Variants in PTCHD4 observed in about 807,000 individuals in gnomAD.
PTCHD4 encodes the protein patched domain containing 4, also known as patched domain-containing protein 4.
A neutral mutation model predicts 58.1 loss-of-function variants in PTCHD4; 33 were observed. That is an observed-to-expected ratio of 0.57 (90% CI 0.43 to 0.76). The LOEUF (loss-of-function observed/expected upper bound fraction) is 0.76. PTCHD4 is among the 30% of genes least tolerant of loss of function. The pLI is 0.00. For synonymous variants in PTCHD4, 478 were observed against 409.6 expected, an observed-to-expected ratio of 1.17 and a Z score of -2.02; for missense variants, 1,058 against 1,027.1, an observed-to-expected ratio of 1.03 and a Z score of -0.41.
At chr6:47,888,281 C>T (rs972051829) in intron 4 of PTCHD4, among the ~76,000 whole-genome samples, 3 of 152,048 alleles carry the variant, frequency 2.0e-5, no homozygotes, top group African/African-American at 7.2e-5. Flanking sequence ...GGGGTGAACC[C>T]GAGAGGCGGA....
Position 48,068,912 on chromosome 6 carries a change from G to A in PTCHD4, c.5+41C>T, listed in dbSNP as rs1020961425. Among the ~76,000 whole-genome samples, 1 of 151,190 alleles carries A rather than the reference G, an allele frequency of 6.6e-6. No individual in the cohort carries two copies. The highest frequency in any genetic ancestry group is 1.5e-5 in the Non-Finnish European group (1 of 67,746). ...GCGCCGCGGGGCCCACCCCCTCCCC[G>A]GTCTCCCCGCGCCCTCGCCGCCTCC... On this transcript the variant is annotated intron_variant, in intron 2 of 4. Coordinates refer to ENST00000339488, the MANE Select transcript of PTCHD4 (RefSeq NM_001384253.1). This position sits in a 1 kb window ranked among gnomAD's most constrained non-coding sequence, Gnocchi z 4.2.
chr6:47,912,857 A>C (rs1018635162), intron 4 of PTCHD4, among the ~76,000 whole-genome samples: 1 of 152,124 alleles, frequency 6.6e-6, no homozygotes, highest in Admixed American at 6.6e-5. Flanking sequence ...AATGCTGAGC[A>C]ACTCCTGTTT....
intron 4 of PTCHD4, among the ~76,000 whole-genome samples, chr6:48,005,539 G>A (rs1762402181): frequency 1.3e-5 from 2 of 152,128 alleles, no homozygotes; most frequent in African/African-American, 4.8e-5. Context: ...CAAACACAAC[G>A]TATTTATGCT....
At chr6:48,085,031 A>T (rs749383661) in intron 1 of PTCHD4, among the ~76,000 whole-genome samples, 2 of 151,040 alleles carry the variant, frequency 1.3e-5, no homozygotes, top group African/African-American at 2.4e-5. Flanking sequence ...GGTGTGAGCC[A>T]CCCAACCAGC....
chr6:48,050,761 TAAAG>T (rs1279951078), intron 3 of PTCHD4, among the ~76,000 whole-genome samples: 1 of 151,936 alleles, frequency 6.6e-6, no homozygotes, highest in African/African-American at 2.4e-5. Flanking sequence ...TCAAAAAATT[TAAAG>T]AAAGAGACTT....
At position 47,876,576 on chromosome 6, in the gene PTCHD4, T is replaced by G. The variant is rs1763854359; in HGVS notation, c.*1727A>C. Among the ~76,000 whole-genome samples the G allele has an allele frequency of 6.6e-6, 1 of 151,956 alleles. No homozygotes were observed. The highest frequency in any genetic ancestry group is 1.5e-5 in the Non-Finnish European group (1 of 67,960). ...TTTGTACCTTTTTTCTGAACATAAT[T>G]GAGTCAAGGAGTTTTGTTATTTTAG... is the stretch of plus-strand genomic sequence containing the variant. On this transcript the variant is annotated 3_prime_UTR_variant, in exon 5 of 5. Transcript: ENST00000339488.
intron 4 of PTCHD4, among the ~76,000 whole-genome samples, chr6:47,898,928 A>G (rs1041397790): frequency 5.3e-5 from 8 of 152,182 alleles, no homozygotes; most frequent in Non-Finnish European, 7.4e-5. Flanking sequence ...TGTTTCTCCA[A>G]TGAGAGGGGT....
At position 47,912,039 on chromosome 6, in the gene PTCHD4, G is replaced by C. The variant is rs561142485; in HGVS notation, c.899-32103C>G. 2.0e-5 allele frequency among the ~76,000 whole-genome samples: 3 copies of C among 152,136 alleles called. No individual in the cohort carries two copies. The South Asian group carries it at 6.2e-4, about 32-fold the overall frequency. ...AGTGACACAAGTGTTTCAAGTGGAG[G>C]GCATGATCAATTGTGTCAAATGTTG... On this transcript the variant is annotated intron_variant, in intron 4 of 4. Coordinates refer to ENST00000339488, the MANE Select transcript of PTCHD4 (RefSeq NM_001384253.1).
chr6:47,952,811 G>C (rs145757751), intron 4 of PTCHD4, among the ~76,000 whole-genome samples: 1 of 151,956 alleles, frequency 6.6e-6, no homozygotes, highest in African/African-American at 2.4e-5. Context: ...TTTGCACAGT[G>C]ACAAAATCAT....
At chr6:47,959,367 T>A (rs1242042790) in intron 4 of PTCHD4, among the ~76,000 whole-genome samples, 1 of 152,172 alleles carries the variant, frequency 6.6e-6, no homozygotes, top group Non-Finnish European at 1.5e-5. Context: ...TAATGGGAAC[T>A]AACTATAGTG....
At position 47,868,882 on chromosome 6, in the gene PTCHD4, G is replaced by A. The variant is rs575858031; in HGVS notation, c.*9421C>T. On this transcript the variant is annotated 3_prime_UTR_variant, in exon 5 of 5. Transcript: ENST00000339488. ...ATAATTAAAATACTAAATTTGGACA[G>A]GAAAATGGCTATTGAATAAGTCCAA... is the stretch of plus-strand genomic sequence containing the variant. 6.6e-6 allele frequency among the ~76,000 whole-genome samples: 1 copy of A among 151,750 alleles called. No homozygotes were observed. Among genetic ancestry groups the A allele is most frequent in the East Asian group, 1.9e-4 (1 of 5,134 alleles).
At chr6:48,098,318 T>TTTCTTCTTTTTCTTCTTCTTCTTCTTC (rs1765518179) in intron 1 of PTCHD4, among the ~76,000 whole-genome samples, 2 of 142,656 alleles carry the variant, frequency 1.4e-5, no homozygotes, top group African/African-American at 5.2e-5. Flanking sequence ...TTTCTTTTCT[T>TTTCTTCTTTTTCTTCTTCTTCTTCTTC]TTCTTCTTCT....
chr6:48,038,541 G>A (rs139193873), intron 3 of PTCHD4, among the ~76,000 whole-genome samples: 2,705 of 151,922 alleles, frequency 0.018, 40 homozygotes, highest in Non-Finnish European at 0.029. Context: ...TCGGGAGGCT[G>A]AGGCATAAGA....
chr6:47,998,391 T>C (rs1768584281), intron 4 of PTCHD4, among the ~76,000 whole-genome samples: 1 of 152,154 alleles, frequency 6.6e-6, no homozygotes, highest in South Asian at 2.1e-4. Flanking sequence ...AGGAGGCATA[T>C]TTACAAATCT....
intron 1 of PTCHD4, among the ~76,000 whole-genome samples, chr6:48,087,692 T>C (rs1010601448): frequency 6.6e-6 from 1 of 152,188 alleles, no homozygotes; most frequent in South Asian, 2.1e-4. Flanking sequence ...AGAATTATCG[T>C]TCTTCAAAGC....
chr6:47,928,757 G>A (rs922585959), intron 4 of PTCHD4, among the ~76,000 whole-genome samples: 1 of 152,166 alleles, frequency 6.6e-6, no homozygotes, highest in South Asian at 2.1e-4. Context: ...TGAGTTCCGT[G>A]AGGATAAGAA....
chr6:47,887,827 A>C (rs1016549345), intron 4 of PTCHD4, among the ~76,000 whole-genome samples: 7 of 152,212 alleles, frequency 4.6e-5, no homozygotes, highest in Admixed American at 2.0e-4. Context: ...AAGGTTGCTC[A>C]ATTTATACAA....
chr6:47,968,834 A>G (rs1339443629), intron 4 of PTCHD4, among the ~76,000 whole-genome samples: 2 of 152,160 alleles, frequency 1.3e-5, no homozygotes, highest in Admixed American at 1.3e-4. Context: ...AAAGAGGAAA[A>G]TGCTATATGA....
At position 47,865,159 on chromosome 6, in the gene PTCHD4, T is replaced by C. The variant is rs1763527251; in HGVS notation, c.*13144A>G. Among the ~76,000 whole-genome samples, 1 of 151,956 alleles carries C rather than the reference T, an allele frequency of 6.6e-6. No homozygotes were observed. On this transcript the variant is annotated 3_prime_UTR_variant, in exon 5 of 5. Coordinates refer to ENST00000339488, the MANE Select transcript of PTCHD4 (RefSeq NM_001384253.1). ...TGTCTCTAGCTATAATACGTGCATG[T>C]AGATAAGAGTTATATATACCTGAGT...
Sources: gnomAD v4.1 joint callset for allele counts (sites outside exome capture counted in the v4.1 genomes callset) on GRCh38, gnomAD v4.1.1 for gene constraint, Gnocchi (gnomAD v3.1) non-coding constraint, MANE v1.5 for transcripts, NCBI Gene and HGNC (gene_info 2026-07-23, HGNC 2026-07-21) for gene names.